DPP6: variants seen among roughly 807,000 people sequenced by gnomAD.
The protein encoded by DPP6 is A-type potassium channel modulatory protein DPP6.
DPP6 carries 69 observed loss-of-function variants against 122.6 expected under a neutral mutation model. That is an observed-to-expected ratio of 0.56 (90% CI 0.46 to 0.69). The LOEUF (loss-of-function observed/expected upper bound fraction) is 0.69, where lower values mean the gene tolerates loss of function less well. Among genes scored for constraint, DPP6 ranks in the 30% least tolerant of loss-of-function variants. The probability of loss-of-function intolerance (pLI) is 0.00; values close to 1 mark genes in which losing one functional copy is unlikely to be tolerated. For missense variants in DPP6, 928 were observed against 1,116.9 expected (o/e 0.83, Z 2.41); for synonymous variants, 418 against 433.1 (o/e 0.97, Z 0.43).
intron 9 of DPP6, among the ~76,000 whole-genome samples, chr7:154,772,084 G>A (rs934469614): frequency 6.6e-6 from 1 of 152,122 alleles, no homozygotes; most frequent in Non-Finnish European, 1.5e-5. Flanking sequence ...ACTCTCAGAA[G>A]GTGCTCTGAA....
At chr7:154,590,601 C>T (rs1251038790) in intron 5 of DPP6, among the ~76,000 whole-genome samples, 4 of 98,600 alleles carry the variant, frequency 4.1e-5, no homozygotes, top group East Asian at 6.4e-4. Flanking sequence ...ATGGCTCAAT[C>T]GTGGCTCACT....
At chr7:154,790,406 G>A (rs186989908) in intron 10 of DPP6, among the ~76,000 whole-genome samples, 1 of 152,282 alleles carries the variant, frequency 6.6e-6, no homozygotes, top group African/African-American at 2.4e-5. Context: ...CAAAATGTGA[G>A]AATCACGGCT....
At chr7:154,837,384 A>G (rs550383117) in intron 16 of DPP6, among the ~76,000 whole-genome samples, 2 of 152,140 alleles carry the variant, frequency 1.3e-5, no homozygotes, top group South Asian at 4.1e-4. Context: ...TCACACATGC[A>G]CGCACACATG....
Position 154,717,379 on chromosome 7 carries a change from C to T in DPP6, c.763-10388C>T, listed in dbSNP as rs112083291. Reference sequence around the variant, plus strand: ...TCTCTCCCCATTACCCACTTGCACACAAACACACACACACACACACACGCA... The same window carrying T: ...TCTCTCCCCATTACCCACTTGCACATAAACACACACACACACACACACGCA... On this transcript the variant is annotated intron_variant, in intron 7 of 25. Coordinates refer to ENST00000377770, the MANE Select transcript of DPP6 (RefSeq NM_130797.4). Among the ~76,000 whole-genome samples the T allele has an allele frequency of 1.1e-3, 172 of 150,278 alleles. 1 individual carries two copies. Among genetic ancestry groups the T allele is most frequent in the African/African-American group, 4.2e-3 (168 of 39,772 alleles).
intron 1 of DPP6, among the ~76,000 whole-genome samples, chr7:154,288,625 G>A (rs1445950539): frequency 1.3e-5 from 2 of 152,150 alleles, no homozygotes; most frequent in Non-Finnish European, 2.9e-5. Context: ...CTGCATGGAG[G>A]CCATGATTCA....
chr7:153,758,189 T>C, the DPP6 span, among the ~76,000 whole-genome samples: 2 of 152,108 alleles, frequency 1.3e-5, no homozygotes, highest in African/African-American at 4.8e-5. Flanking sequence ...TCTTAATTGG[T>C]GTTTGTCATA....
intron 1 of DPP6, among the ~76,000 whole-genome samples, chr7:154,364,262 C>CA (rs1811972334): frequency 6.6e-6 from 1 of 152,194 alleles, no homozygotes; most frequent in Admixed American, 6.5e-5. Flanking sequence ...ACCATACTCA[C>CA]ATGGATGATG....
chr7:154,643,591 C>T (rs1305128702), intron 6 of DPP6, among the ~76,000 whole-genome samples: 1 of 151,798 alleles, frequency 6.6e-6, no homozygotes, highest in East Asian at 1.9e-4. Context: ...GCCTCAGCCT[C>T]CTGAGTAGCT....
intron 1 of DPP6, among the ~76,000 whole-genome samples, chr7:154,014,136 A>G (rs1798287149): frequency 6.6e-6 from 1 of 151,236 alleles, no homozygotes; most frequent in East Asian, 1.9e-4. Flanking sequence ...CAGGGCTAAA[A>G]TAAAAAGACC....
At position 153,964,822 on chromosome 7, in the gene DPP6, C is replaced by CTTTCCTTTTCCT. The variant is rs202179146; in HGVS notation, c.51+77112_51+77123dup. 4.9e-3 allele frequency among the ~76,000 whole-genome samples: 203 copies of CTTTCCTTTTCCT among 41,208 alleles called. 20 individuals are homozygous for CTTTCCTTTTCCT. The highest frequency in any genetic ancestry group is 0.018 in the African/African-American group (189 of 10,662). The allele number at this position is 41,208 out of a possible 152,430, so 27.0% of individuals were successfully genotyped here. ...CTTTCCTTTCCTTTCCTTTCCTTTCCTTTCCTTTTCCTTTTCCTTTTCCTT... is the reference window on the plus strand; with the variant it reads ...CTTTCCTTTCCTTTCCTTTCCTTTCCTTTCCTTTTCCTTTTCCTTTTCCTTTTCCTTTTCCTT... On this transcript the variant is annotated intron_variant, in intron 1 of 25. Transcript: ENST00000404039.
At chr7:154,852,528 C>CCTCTCCTCG (rs1351390856) in intron 16 of DPP6, among the ~76,000 whole-genome samples, 1 of 152,034 alleles carries the variant, frequency 6.6e-6, no homozygotes, top group East Asian at 1.9e-4. Flanking sequence ...CCCTCTCCTC[C>CCTCTCCTCG]CTCTCCTGCC....
chr7:153,872,323 AG>A, the DPP6 span, among the ~76,000 whole-genome samples: 1 of 152,210 alleles, frequency 6.6e-6, no homozygotes, highest in Non-Finnish European at 1.5e-5. Context: ...CTGCTATGGA[AG>A]GTGCTCTGCT....
intron 9 of DPP6, 81 bp downstream of exon 9, chr7:154,769,652 G>T: frequency 7.1e-7 from 1 of 1,413,440 alleles, no homozygotes; most frequent in East Asian, 2.6e-5. Context: ...GTGCAGACGT[G>T]ATCATCAGAC....
chr7:154,568,307 G>A (rs1156968081), intron 5 of DPP6, among the ~76,000 whole-genome samples: 5 of 152,346 alleles, frequency 3.3e-5, no homozygotes, highest in Non-Finnish European at 7.3e-5. Context: ...ACATGGATGT[G>A]TTCTGGTTTG....
chr7:154,675,455 G>A (rs1838841219), intron 7 of DPP6, among the ~76,000 whole-genome samples: 1 of 152,194 alleles, frequency 6.6e-6, no homozygotes, highest in East Asian at 1.9e-4. Flanking sequence ...TCCCAAAGAT[G>A]TTCCCAGCCC....
At chr7:154,049,067 AG>A (rs1800162330), upstream of DPP6, among the ~76,000 whole-genome samples, 1 of 150,986 alleles carries the variant, frequency 6.6e-6, no homozygotes, top group Non-Finnish European at 1.5e-5. Flanking sequence ...GGTTTGGAGC[AG>A]CATGGAAGAA....
intron 1 of DPP6, among the ~76,000 whole-genome samples, chr7:154,236,772 C>G (rs1801242784): frequency 6.6e-6 from 1 of 152,102 alleles, no homozygotes; most frequent in Non-Finnish European, 1.5e-5. Context: ...GCTTTACATC[C>G]CTAATAACTT....
intron 7 of DPP6, among the ~76,000 whole-genome samples, chr7:154,692,270 C>T (rs768067404): frequency 1.3e-5 from 2 of 152,088 alleles, no homozygotes; most frequent in Admixed American, 1.3e-4. Context: ...TTAGCTTTTT[C>T]GACCTTGAAA....
At chr7:153,804,632 T>A in the DPP6 span, among the ~76,000 whole-genome samples, 1 of 152,128 alleles carries the variant, frequency 6.6e-6, no homozygotes, top group African/African-American at 2.4e-5. Context: ...CATTGGCTCA[T>A]GCCTGTAATC....
Sources: gnomAD v4.1 joint callset for allele counts (sites outside exome capture counted in the v4.1 genomes callset) on GRCh38, gnomAD v4.1.1 for gene constraint, MANE v1.5 for transcripts, NCBI Gene and HGNC (gene_info 2026-07-23, HGNC 2026-07-21) for gene names.